Variants in LIX1 observed in about 807,000 individuals in gnomAD.
The protein encoded by LIX1 is protein limb expression 1 homolog.
In LIX1, 24 loss-of-function variants were observed where a neutral mutation model predicts 33.4. The ratio of observed to expected loss-of-function variants is 0.72; its 90% CI spans 0.52 to 1.01. The LOEUF (loss-of-function observed/expected upper bound fraction) is 1.01, where lower values mean the gene tolerates loss of function less well. Ranked by LOEUF, LIX1 falls within the 50% of genes least tolerant of loss-of-function variation. LIX1 has a pLI of 0.00. For missense variants in LIX1, 311 were observed against 339.2 expected (o/e 0.92, Z 0.65); for synonymous variants, 124 against 124.0 (o/e 1.00, Z 0.00).
intron 1 of LIX1, among the ~76,000 whole-genome samples, chr5:97,134,310 G>T (rs1354371926): frequency 1.3e-5 from 2 of 152,134 alleles, no homozygotes; most frequent in Non-Finnish European, 2.9e-5. Flanking sequence ...AGTAGAGGTG[G>T]TGTTTTACCA....
At chr5:97,095,975 C>G (rs754323303) in intron 5 of LIX1, among the ~76,000 whole-genome samples, 10 of 152,136 alleles carry the variant, frequency 6.6e-5, no homozygotes, top group Non-Finnish European at 1.5e-4. Context: ...ACATCTGAAA[C>G]CTAGACTTTC....
At chr5:97,133,113 T>C (rs1190292801) in intron 1 of LIX1, among the ~76,000 whole-genome samples, 8 of 152,226 alleles carry the variant, frequency 5.3e-5, no homozygotes, top group African/African-American at 1.9e-4. Flanking sequence ...TTAAATGCTT[T>C]ATGGATTACA....
At chr5:97,128,529 T>C (rs1329114063) in intron 1 of LIX1, among the ~76,000 whole-genome samples, 3 of 152,144 alleles carry the variant, frequency 2.0e-5, no homozygotes, top group Admixed American at 1.3e-4. Context: ...CAAACTATTC[T>C]CCTGCATCTC....
intron 2 of LIX1, among the ~76,000 whole-genome samples, chr5:97,113,836 T>A (rs1236578233): frequency 2.0e-5 from 3 of 152,180 alleles, no homozygotes; most frequent in Non-Finnish European, 4.4e-5. Context: ...GATATAAGAC[T>A]ACAAGGATAT....
At chr5:97,120,397 C>T (rs942234342) in intron 2 of LIX1, among the ~76,000 whole-genome samples, 1 of 152,204 alleles carries the variant, frequency 6.6e-6, no homozygotes, top group African/African-American at 2.4e-5. Context: ...CACCCCATCC[C>T]TGGAACTTAC....
At chr5:97,123,747 C>G (rs1009367405) in intron 2 of LIX1, among the ~76,000 whole-genome samples, 61 of 152,246 alleles carry the variant, frequency 4.0e-4, no homozygotes, top group African/African-American at 1.4e-3. Flanking sequence ...CCTACCTGTC[C>G]TCTCCCAACC....
intron 2 of LIX1, among the ~76,000 whole-genome samples, chr5:97,119,818 A>G (rs947112877): frequency 4.6e-5 from 7 of 152,000 alleles, no homozygotes; most frequent in Non-Finnish European, 8.8e-5. Flanking sequence ...GTCAAAATTT[A>G]TGAGATGATA....
chr5:97,131,561 A>G (rs1369432568), intron 1 of LIX1, among the ~76,000 whole-genome samples: 1 of 152,116 alleles, frequency 6.6e-6, no homozygotes, highest in Admixed American at 6.5e-5. Flanking sequence ...TGTGGTAACA[A>G]TTCATCTTAC....
chr5:97,105,457 G>A (rs1746964806), intron 3 of LIX1, among the ~76,000 whole-genome samples, 172 bp from the exon 4 acceptor site: 1 of 152,212 alleles, frequency 6.6e-6, no homozygotes, highest in Non-Finnish European at 1.5e-5. Context: ...TTTGAATTGA[G>A]CGTTTGATAG....
In LIX1 at chr5:97,094,568, C is replaced by T. The variant is rs759921700; in HGVS notation, c.*180G>A. On this transcript the variant is annotated 3_prime_UTR_variant, in exon 6 of 6. Coordinates refer to ENST00000274382, the MANE Select transcript of LIX1 (RefSeq NM_153234.5). ...TGTGATAGAAAAATGCATCGAGTGGCTTGTTGGGTCTTGTAAGGGTCCTAC... is the reference window on the plus strand; with the variant it reads ...TGTGATAGAAAAATGCATCGAGTGGTTTGTTGGGTCTTGTAAGGGTCCTAC... 74 of 569,138 alleles carry T rather than the reference C, an allele frequency of 1.3e-4. No homozygotes were observed. Among genetic ancestry groups the T allele is most frequent in the Non-Finnish European group, 1.9e-4 (63 of 324,040 alleles). The allele number at this position is 569,138 out of a possible 1,614,324, so 35.3% of individuals were successfully genotyped here. A position where few individuals can be genotyped will look rare whatever the true frequency, so the allele number is the denominator to read the frequency against.
chr5:97,097,195 T>C (rs952866020), intron 4 of LIX1, among the ~76,000 whole-genome samples: 1 of 152,222 alleles, frequency 6.6e-6, no homozygotes, highest in Admixed American at 6.5e-5. Context: ...TATTTAAATA[T>C]ACCAGGATAT....
chr5:97,094,705 T>C lies in LIX1; in HGVS notation c.*43A>G. ...TCTGCACTGAGATTCCTAATGTTAA[T>C]CTGGCCTCTGCCATCACTGAGGGTA... On this transcript the variant is annotated 3_prime_UTR_variant, in exon 6 of 6. Transcript: ENST00000274382. 1 of 1,585,634 alleles carries C rather than the reference T, an allele frequency of 6.3e-7. No individual in the cohort carries two copies. The highest frequency in any genetic ancestry group is 2.0e-4 in the Middle Eastern group (1 of 4,988).
intron 1 of LIX1, among the ~76,000 whole-genome samples, chr5:97,131,421 A>G (rs1748054398): frequency 1.3e-5 from 2 of 152,116 alleles, no homozygotes; most frequent in Non-Finnish European, 2.9e-5. Flanking sequence ...CTCTTATTCC[A>G]TGAGTGGCCC....
Position 97,093,626 on chromosome 5 carries a change from A to G in LIX1, c.*1122T>C, listed in dbSNP as rs1746187723. The G allele has an allele frequency of 6.6e-6, 1 of 151,752 alleles. No individual in the cohort carries two copies. The allele number at this position is 151,752 out of a possible 1,614,324, so 9.4% of individuals were successfully genotyped here. A position where few individuals can be genotyped will look rare whatever the true frequency, so the allele number is the denominator to read the frequency against. ...ATGAAATCCCGTCTCTACTAAAAAA[A>G]AAAAAAAAAAAAAAGTTTTTATTGT... On this transcript the variant is annotated 3_prime_UTR_variant, in exon 6 of 6. Transcript: ENST00000274382.
At chr5:97,107,279 C>T (rs1390534088) in intron 3 of LIX1, 81 bp downstream of exon 3, 1 of 1,339,676 alleles carries the variant, frequency 7.5e-7, no homozygotes, top group Non-Finnish European at 1.0e-6. Context: ...TAAGAATTTG[C>T]TCATGTTAAC....
intron 2 of LIX1, among the ~76,000 whole-genome samples, chr5:97,110,569 C>T (rs764122409): frequency 1.3e-5 from 2 of 152,022 alleles, no homozygotes; most frequent in Admixed American, 6.6e-5. Flanking sequence ...CTCAGCCTCC[C>T]GAGTAGCTGG....
intron 1 of LIX1, among the ~76,000 whole-genome samples, chr5:97,139,361 T>C (rs1221526022): frequency 2.6e-5 from 4 of 152,258 alleles, no homozygotes; most frequent in Non-Finnish European, 5.9e-5. Flanking sequence ...TCTTGTAATA[T>C]GAAGAGTTAA....
chr5:97,141,995 T>G (rs531125022), intron 1 of LIX1, among the ~76,000 whole-genome samples: 2 of 152,240 alleles, frequency 1.3e-5, no homozygotes, highest in Non-Finnish European at 2.9e-5. Flanking sequence ...AACTAAAGCA[T>G]TATAATCTGT....
chr5:97,122,328 A>G (rs1274681344), intron 2 of LIX1, among the ~76,000 whole-genome samples: 3 of 152,100 alleles, frequency 2.0e-5, no homozygotes, highest in Admixed American at 6.6e-5. Flanking sequence ...CGTTTCTCCT[A>G]TATATATTTA....
Sources: allele counts gnomAD v4.1 joint callset (sites outside exome capture counted in the v4.1 genomes callset), GRCh38; gene constraint gnomAD v4.1.1; transcripts MANE v1.5; gene names NCBI Gene and HGNC (gene_info 2026-07-23, HGNC 2026-07-21).